The following CACNA1B variants were observed in gnomAD, a reference collection of about 807,000 sequenced individuals.
The protein encoded by CACNA1B is voltage-dependent N-type calcium channel subunit alpha-1B.
CACNA1B carries 70 observed loss-of-function variants against 247.2 expected under a neutral mutation model. That is an observed-to-expected ratio of 0.28 (90% CI 0.23 to 0.35). CACNA1B has a LOEUF of 0.35. CACNA1B is among the 10% of genes least tolerant of loss of function. The pLI, the probability that CACNA1B is intolerant of heterozygous loss-of-function variation, is 1.00. For missense variants in CACNA1B, 2,367 were observed against 3,197.4 expected, an observed-to-expected ratio of 0.74 and a Z score of 6.26; for synonymous variants, 1,231 against 1,294.4, an observed-to-expected ratio of 0.95 and a Z score of 1.05.
At chr9:137,939,873 G>GAA (rs1157307950) in intron 6 of CACNA1B, among the ~76,000 whole-genome samples, 5 of 151,570 alleles carry the variant, frequency 3.3e-5, no homozygotes, top group African/African-American at 1.2e-4. Context: ...TCTTCGAACT[G>GAA]AATGACAGTA....
chr9:138,092,387 G>A (rs903025947), intron 36 of CACNA1B, among the ~76,000 whole-genome samples: 1 of 152,200 alleles, frequency 6.6e-6, no homozygotes, highest in East Asian at 1.9e-4. Flanking sequence ...GCTGGGAAAA[G>A]AATTCAGCAA....
At position 138,105,736 on chromosome 9, in the gene CACNA1B, A is replaced by T; in HGVS notation, c.5357A>T (p.Asp1786Val). 1.3e-6 allele frequency: 2 copies of T among 1,566,160 alleles called. No homozygotes were observed. Among genetic ancestry groups the T allele is most frequent in the Non-Finnish European group, 1.7e-6 (2 of 1,156,344 alleles). ...VRMNMPISNE[D>V]MTVHFTSTLM... ...ATGAACATGCCCATCTCCAACGAGG[A>T]CATGACTGTTCACTTCACGTCCACG... The change falls in exon 39 of 47, where the codon GAC becomes GTC. Residue 1786 changes from aspartate (D) to valine (V), a missense_variant. Asp to Val is a radical substitution (Grantham distance 152, BLOSUM62 -3). Transcript: ENST00000371372.
rs894889887 is a variant in CACNA1B, at chr9:138,078,693, G to A, written c.5094+435G>A. 5.9e-5 allele frequency among the ~76,000 whole-genome samples: 9 copies of A among 152,242 alleles called. No homozygotes were observed. In the South Asian group the frequency reaches 1.0e-3, roughly 18 times the overall value. On this transcript the variant is annotated intron_variant, in intron 36 of 46. Transcript: ENST00000371372. ...GGGGGCCTCACAGCATCTGCTTGACGTTTTACAGCTTGGCTCTGGCTTCTG... is the reference window on the plus strand; with the variant it reads ...GGGGGCCTCACAGCATCTGCTTGACATTTTACAGCTTGGCTCTGGCTTCTG...
rs1156747035 is a variant in CACNA1B, at chr9:137,917,224, C to T, written c.776-17C>T. On this transcript the variant is annotated splice_polypyrimidine_tract_variant and intron_variant, in intron 5 of 46. Coordinates refer to ENST00000371372, the MANE Select transcript of CACNA1B (RefSeq NM_000718.4). This position sits in a 1 kb window ranked among gnomAD's most constrained non-coding sequence, Gnocchi z 5.5. ...GTATTTCTGAGCTCAGGGTCTGCTT[C>T]ATTCTCCTTCTTGCAGATGCGGAGC... 1 of 1,605,420 alleles carries T rather than the reference C, an allele frequency of 6.2e-7. No individual in the cohort carries two copies. Among genetic ancestry groups the T allele is most frequent in the Middle Eastern group, 1.7e-4 (1 of 6,020 alleles).
At chr9:138,091,111 A>T (rs1960863719) in intron 36 of CACNA1B, among the ~76,000 whole-genome samples, 1 of 152,304 alleles carries the variant, frequency 6.6e-6, no homozygotes, top group South Asian at 2.1e-4. Flanking sequence ...TACTATTCAC[A>T]GTAGCCAAGA....
Position 137,986,810 on chromosome 9 carries a change from A to C in CACNA1B, c.1930A>C (p.Thr644Pro). ...CAACTTCCAGGATGAGACTCCCACA[A>C]CCAACTTCGACACCTTCCCTGCCGC... The part of the protein sequence containing the change: ...QFNFQDETPT[T>P]NFDTFPAAIL... Residue 644 changes from threonine (T) to proline (P), a missense_variant, in exon 15 of 47, where the codon ACC becomes CCC. Coordinates refer to ENST00000371372, the MANE Select transcript of CACNA1B (RefSeq NM_000718.4). The surrounding 1 kb of genome is among the most constrained non-coding windows in gnomAD (Gnocchi z 6.0). 6.2e-7 allele frequency: 1 copy of C among 1,613,832 alleles called. No homozygotes were observed.
intron 6 of CACNA1B, among the ~76,000 whole-genome samples, chr9:137,921,652 C>T (rs1226835952): frequency 1.4e-5 from 2 of 143,240 alleles, no homozygotes; most frequent in Non-Finnish European, 3.0e-5. Context: ...ATCAGCACCA[C>T]GACCGCACAG....
chr9:137,912,402 G>A (rs1957368729), intron 3 of CACNA1B, among the ~76,000 whole-genome samples: 1 of 152,212 alleles, frequency 6.6e-6, no homozygotes, highest in South Asian at 2.1e-4. Flanking sequence ...CGTTAGAATT[G>A]GCAAGAGGAA....
chr9:137,919,534 G>T lies in CACNA1B; in HGVS notation c.966+2103G>T, dbSNP rs1274235244. Among the ~76,000 whole-genome samples, 2 of 152,256 alleles carry T rather than the reference G, an allele frequency of 1.3e-5. No homozygotes were observed. The highest frequency in any genetic ancestry group is 2.4e-5 in the African/African-American group (1 of 41,468). On this transcript the variant is annotated intron_variant, in intron 6 of 46. Coordinates refer to ENST00000371372, the MANE Select transcript of CACNA1B (RefSeq NM_000718.4). This position sits in a 1 kb window ranked among gnomAD's most constrained non-coding sequence, Gnocchi z 4.6. ...CTCCTCCACACTAAGGGCATACAGG[G>T]TCGGTCACTGGAGATTAGACAGGAG...
chr9:138,058,344 C>A lies in CACNA1B; in HGVS notation c.4308+94C>A. On this transcript the variant is annotated intron_variant, in intron 28 of 46. Coordinates refer to ENST00000371372, the MANE Select transcript of CACNA1B (RefSeq NM_000718.4). This position sits in a 1 kb window ranked among gnomAD's most constrained non-coding sequence, Gnocchi z 4.7. ...CACAAATCACTCACAGCTGGGTCAG[C>A]TTTGGCTGCCACCGTCTGCCAACAC... is the stretch of plus-strand genomic sequence containing the variant. The A allele has an allele frequency of 8.6e-7, 1 of 1,161,242 alleles. No homozygotes were observed. Among genetic ancestry groups the A allele is most frequent in the Non-Finnish European group, 1.3e-6 (1 of 786,024 alleles). The allele number at this position is 1,161,242 out of a possible 1,614,324, so 71.9% of individuals were successfully genotyped here.
At chr9:137,908,447 C>G (rs1395549073) in intron 3 of CACNA1B, among the ~76,000 whole-genome samples, 1 of 151,474 alleles carries the variant, frequency 6.6e-6, no homozygotes, top group African/African-American at 2.4e-5. Flanking sequence ...ACCCAGGAGG[C>G]GGAGGTTACA....
chr9:138,101,553 C>G (rs952637986), intron 37 of CACNA1B, among the ~76,000 whole-genome samples: 2 of 152,238 alleles, frequency 1.3e-5, no homozygotes, highest in African/African-American at 4.8e-5. Context: ...GCCGAGGGCC[C>G]CAGAGGAAGG....
chr9:138,021,340 G>A (rs1161357023), intron 18 of CACNA1B, among the ~76,000 whole-genome samples: 1 of 152,244 alleles, frequency 6.6e-6, no homozygotes, highest in South Asian at 2.1e-4. Flanking sequence ...GCTCCCAGGT[G>A]AGACACAGAC....
chr9:138,093,384 A>T (rs1384814463), intron 36 of CACNA1B, among the ~76,000 whole-genome samples: 1 of 140,592 alleles, frequency 7.1e-6, no homozygotes, highest in Non-Finnish European at 1.5e-5. Flanking sequence ...TGCCTGGGCT[A>T]CAGAGTGAGA....
intron 12 of CACNA1B, among the ~76,000 whole-genome samples, chr9:137,979,068 C>T (rs1472764880): frequency 6.6e-6 from 1 of 152,210 alleles, no homozygotes; most frequent in African/African-American, 2.4e-5. Context: ...TCATGTCTTC[C>T]AATCTTCTGA....
At chr9:138,023,958 T>A in intron 19 of CACNA1B, 147 bp downstream of exon 19, 1 of 594,666 alleles carries the variant, frequency 1.7e-6, no homozygotes, top group Non-Finnish European at 3.0e-6. Flanking sequence ...CTGGGGTCTC[T>A]GCATGCCGTT....
chr9:138,044,628 G>A (rs1483728547), intron 21 of CACNA1B, among the ~76,000 whole-genome samples: 1 of 152,240 alleles, frequency 6.6e-6, no homozygotes, highest in African/African-American at 2.4e-5. Context: ...TGAGGAGGAG[G>A]AGGCAGAGGG....
At chr9:138,021,392 A>G (rs928747249) in intron 18 of CACNA1B, among the ~76,000 whole-genome samples, 1 of 152,232 alleles carries the variant, frequency 6.6e-6, no homozygotes, top group Non-Finnish European at 1.5e-5. Context: ...CTGCCCCTGG[A>G]CATTGCTCCC....
intron 36 of CACNA1B, among the ~76,000 whole-genome samples, chr9:138,086,771 C>T: frequency 6.6e-6 from 1 of 151,084 alleles, no homozygotes. Flanking sequence ...AAATCAACAA[C>T]AAAAAACCCA....
Sources: gnomAD v4.1 joint callset for allele counts (sites outside exome capture counted in the v4.1 genomes callset) on GRCh38, gnomAD v4.1.1 for gene constraint, Gnocchi (gnomAD v3.1) non-coding constraint, MANE v1.5 for transcripts, NCBI Gene and HGNC (gene_info 2026-07-23, HGNC 2026-07-21) for gene names.